HMGCLL1: variants seen among roughly 807,000 people sequenced by gnomAD.
HMGCLL1 encodes 3-hydroxy-3-methylglutaryl-CoA lyase like 1.
HMGCLL1 carries 36 observed loss-of-function variants against 39.1 expected under a neutral mutation model. The ratio of observed to expected loss-of-function variants is 0.92; its 90% confidence interval spans 0.71 to 1.22. The LOEUF (loss-of-function observed/expected upper bound fraction) is 1.22, where lower values mean the gene tolerates loss of function less well. HMGCLL1 is among the 50% of genes most tolerant of loss of function. HMGCLL1 has a pLI of 0.00. For missense variants in HMGCLL1, 451 were observed against 416.5 expected (o/e 1.08, Z -0.72); for synonymous variants, 149 against 144.0 (o/e 1.03, Z -0.25).
chr6:55,522,502 G>A (rs896917594), intron 3 of HMGCLL1, among the ~76,000 whole-genome samples: 4 of 151,902 alleles, frequency 2.6e-5, no homozygotes, highest in African/African-American at 9.7e-5. Flanking sequence ...TACTTTAAAT[G>A]GAAGTACATA....
At chr6:55,460,705 T>A (rs753238695) in intron 7 of HMGCLL1, among the ~76,000 whole-genome samples, 1 of 151,944 alleles carries the variant, frequency 6.6e-6, no homozygotes, top group African/African-American at 2.4e-5. Flanking sequence ...AAAACACTTT[T>A]CTAAAATAAA....
intron 1 of HMGCLL1, among the ~76,000 whole-genome samples, chr6:55,557,779 G>A (rs761281909): frequency 2.3e-4 from 35 of 151,996 alleles, no homozygotes; most frequent in African/African-American, 8.0e-4. Flanking sequence ...AATGTTTTCC[G>A]TATACAAGGG....
the HMGCLL1 span, among the ~76,000 whole-genome samples, chr6:55,647,745 C>CTTTTTTTTTTTTTTTTTTTTTTTTTT: frequency 1.3e-4 from 15 of 115,864 alleles, no homozygotes; most frequent in African/African-American, 2.8e-4. Flanking sequence ...TTTTTTTTTC[C>CTTTTTTTTTTTTTTTTTTTTTTTTTT]TTTTTTTTTT....
At chr6:55,461,382 G>A (rs1764557765) in intron 7 of HMGCLL1, among the ~76,000 whole-genome samples, 1 of 151,900 alleles carries the variant, frequency 6.6e-6, no homozygotes. Flanking sequence ...AATTCTCCAA[G>A]TAAAATAATA....
chr6:55,663,463 C>T, the HMGCLL1 span, among the ~76,000 whole-genome samples: 2 of 151,778 alleles, frequency 1.3e-5, no homozygotes, highest in Admixed American at 1.3e-4. Context: ...ATCAGGAGCA[C>T]ATTGTTTAAT....
At chr6:55,488,418 T>C (rs941954234) in intron 7 of HMGCLL1, among the ~76,000 whole-genome samples, 1 of 152,040 alleles carries the variant, frequency 6.6e-6, no homozygotes, top group African/African-American at 2.4e-5. Context: ...ATTAAAAAAT[T>C]ATTGAGGAAA....
At chr6:55,620,622 G>C in the HMGCLL1 span, among the ~76,000 whole-genome samples, 1 of 146,536 alleles carries the variant, frequency 6.8e-6, no homozygotes, top group Non-Finnish European at 1.5e-5. Context: ...TGCTTTTGGG[G>C]TGTTACACAC....
intron 3 of HMGCLL1, among the ~76,000 whole-genome samples, chr6:55,523,252 G>A: frequency 6.6e-6 from 1 of 151,930 alleles, no homozygotes; most frequent in East Asian, 1.9e-4. Flanking sequence ...TACTAGGTAA[G>A]AAGCTAGCTG....
chr6:55,569,819 A>C (rs1010763947), intron 1 of HMGCLL1, among the ~76,000 whole-genome samples: 1 of 152,188 alleles, frequency 6.6e-6, no homozygotes, highest in Admixed American at 6.5e-5. Flanking sequence ...TGCTAATGGC[A>C]CAGAGACAAA....
intron 5 of HMGCLL1, among the ~76,000 whole-genome samples, chr6:55,509,684 A>G (rs149150686): frequency 1.0e-3 from 156 of 152,026 alleles, no homozygotes; most frequent in African/African-American, 3.5e-3. Context: ...AATTATATAG[A>G]GCTGAATCAG....
chr6:55,544,603 G>A (rs1232173462), intron 1 of HMGCLL1, among the ~76,000 whole-genome samples: 2 of 152,054 alleles, frequency 1.3e-5, no homozygotes, highest in African/African-American at 4.8e-5. Context: ...TGGGTAAGGT[G>A]GCTGTTTTGA....
chr6:55,489,956 T>G (rs868153977), intron 7 of HMGCLL1, among the ~76,000 whole-genome samples: 2 of 152,062 alleles, frequency 1.3e-5, no homozygotes, highest in South Asian at 2.1e-4. Context: ...GAAAAGTCAG[T>G]GAAAAAATTG....
the HMGCLL1 span, among the ~76,000 whole-genome samples, chr6:55,647,513 G>A: frequency 2.6e-5 from 4 of 151,018 alleles, no homozygotes; most frequent in Non-Finnish European, 1.5e-5. Flanking sequence ...ATTTTCTCTG[G>A]TGGTATGCTT....
intron 7 of HMGCLL1, among the ~76,000 whole-genome samples, chr6:55,479,662 T>C (rs1202376143): frequency 6.6e-6 from 1 of 151,712 alleles, no homozygotes; most frequent in Non-Finnish European, 1.5e-5. Context: ...CTTAGAGACA[T>C]TTAATGATTT....
the HMGCLL1 span, among the ~76,000 whole-genome samples, chr6:55,642,469 T>A: frequency 4.7e-3 from 719 of 152,140 alleles, 9 homozygotes; most frequent in Non-Finnish European, 7.7e-3. Context: ...TTAAAAAAAA[T>A]TTATGGGTAT....
chr6:55,437,827 A>C (rs1204999303), intron 8 of HMGCLL1, among the ~76,000 whole-genome samples: 1 of 152,018 alleles, frequency 6.6e-6, no homozygotes, highest in African/African-American at 2.4e-5. Context: ...AGAGATGCAG[A>C]CCTGCATCAA....
chr6:55,527,862 C>T (rs1768406749), intron 3 of HMGCLL1, among the ~76,000 whole-genome samples: 1 of 151,900 alleles, frequency 6.6e-6, no homozygotes, highest in Non-Finnish European at 1.5e-5. Flanking sequence ...TTAAATACTC[C>T]AGAAATACTA....
intron 1 of HMGCLL1, among the ~76,000 whole-genome samples, chr6:55,556,402 G>C (rs957746913): frequency 2.6e-5 from 4 of 152,106 alleles, no homozygotes; most frequent in African/African-American, 9.7e-5. Context: ...TTCTATTCAA[G>C]GGGACAGCCA....
intron 7 of HMGCLL1, among the ~76,000 whole-genome samples, chr6:55,442,999 C>T (rs1763669771): frequency 9.8e-6 from 1 of 101,698 alleles, no homozygotes; most frequent in Non-Finnish European, 2.0e-5. Context: ...CAGAAATTTC[C>T]ATTATTCTCA....
Sources: gnomAD v4.1 joint callset for allele counts (sites outside exome capture counted in the v4.1 genomes callset) on GRCh38, gnomAD v4.1.1 for gene constraint, MANE v1.5 for transcripts, NCBI Gene and HGNC (gene_info 2026-07-23, HGNC 2026-07-21) for gene names.